The following CDV3 variants were observed in gnomAD, a reference collection of about 807,000 sequenced individuals.
The protein encoded by CDV3 is protein CDV3 homolog.
A neutral mutation model predicts 24.5 loss-of-function variants in CDV3; 14 were observed. The ratio of observed to expected loss-of-function variants is 0.57; its 90% CI spans 0.38 to 0.89. The LOEUF (loss-of-function observed/expected upper bound fraction) is 0.89. CDV3 is among the 40% of genes least tolerant of loss of function. The pLI, the probability that CDV3 is intolerant of heterozygous loss-of-function variation, is 0.00. For synonymous variants in CDV3, 114 were observed against 114.1 expected (o/e 1.00, Z 0.00); for missense variants, 304 against 310.2 (o/e 0.98, Z 0.15).
chr3:133,577,893 C>G (rs1440719222), intron 2 of CDV3, among the ~76,000 whole-genome samples: 1 of 152,190 alleles, frequency 6.6e-6, no homozygotes, highest in Non-Finnish European at 1.5e-5. Context: ...CTGTTATAGA[C>G]AGATTCTTGA....
At chr3:133,574,694 G>T in intron 1 of CDV3, 1 of 1,061,630 alleles carries the variant, frequency 9.4e-7, no homozygotes, top group Non-Finnish European at 1.1e-6. Flanking sequence ...CTTTTGTGAT[G>T]ACTTAGTCTC....
rs1388360952 is a variant in CDV3 at position 133,587,196 on chromosome 3, C to G, written c.626+474C>G. 6.7e-6 allele frequency: 9 copies of G among 1,350,448 alleles called. No individual in the cohort carries two copies. In the Admixed American group the frequency reaches 2.5e-4, roughly 37 times the overall value. 83.7% of individuals were successfully genotyped at this position (1,350,448 alleles called of 1,614,324 possible). On this transcript the variant is annotated intron_variant, in intron 4 of 4. Coordinates refer to ENST00000264993, the MANE Select transcript of CDV3 (RefSeq NM_017548.5). Reference sequence around the variant, plus strand: ...ATGAATGCTACCTGGAATTAAATGACTACATATGGCACATCTACATCTTAC... The same window carrying G: ...ATGAATGCTACCTGGAATTAAATGAGTACATATGGCACATCTACATCTTAC...
chr3:133,587,838 A>G lies in CDV3; in HGVS notation c.627-58A>G, dbSNP rs1187946274. ...CTTTTTTTTAAATTCAAGGACGAAT[A>G]TTTTCAAAAACCCTAGTGAAGAAGA... On this transcript the variant is annotated intron_variant, in intron 4 of 4. Transcript: ENST00000264993. The G allele has an allele frequency of 1.1e-5, 17 of 1,529,712 alleles. No homozygotes were observed. In the East Asian group the frequency reaches 2.3e-4, roughly 20 times the overall value. 94.8% of individuals were successfully genotyped at this position (1,529,712 alleles called of 1,614,324 possible). A position where few individuals can be genotyped will look rare whatever the true frequency, so the allele number is the denominator to read the frequency against.
At chr3:133,582,934 A>T (rs1473746518) in intron 2 of CDV3, among the ~76,000 whole-genome samples, 1 of 152,252 alleles carries the variant, frequency 6.6e-6, no homozygotes, top group Admixed American at 6.5e-5. Context: ...AGATAAATAC[A>T]CTTGGTAATT....
At chr3:133,586,119 G>A (rs1440774984) in intron 3 of CDV3, among the ~76,000 whole-genome samples, 1 of 151,682 alleles carries the variant, frequency 6.6e-6, no homozygotes, top group Non-Finnish European at 1.5e-5. Context: ...TTTGAGAGCC[G>A]GAGTCTCCTT....
chr3:133,577,755 A>G (rs112575965), intron 2 of CDV3, among the ~76,000 whole-genome samples: 1 of 152,214 alleles, frequency 6.6e-6, no homozygotes, highest in Non-Finnish European at 1.5e-5. Context: ...GAAATTTTTC[A>G]TTAGCAGCAA....
rs1376059095 is a variant in CDV3 at position 133,588,706 on chromosome 3, C to T, written c.*660C>T. On this transcript the variant is annotated 3_prime_UTR_variant, in exon 5 of 5. Transcript: ENST00000264993. ...GTAGGGCTGTGATTTGTAATTTAAA[C>T]TAATTGTATTCTGAGGTAACCACAA... is the stretch of plus-strand genomic sequence containing the variant. 6 of 260,024 alleles carry T rather than the reference C, an allele frequency of 2.3e-5. No individual in the cohort carries two copies. The highest frequency in any genetic ancestry group is 6.6e-5 in the African/African-American group (3 of 45,180). The allele number at this position is 260,024 out of a possible 1,614,324, so 16.1% of individuals were successfully genotyped here.
At position 133,588,814 on chromosome 3, in the gene CDV3, A is replaced by AT. The variant is rs1395174797; in HGVS notation, c.*775dup. 35 of 159,118 alleles carry AT rather than the reference A, an allele frequency of 2.2e-4. No individual in the cohort carries two copies. The highest frequency in any genetic ancestry group is 1.8e-3 in the Admixed American group (28 of 15,534). The allele number at this position is 159,118 out of a possible 1,614,324, so 9.9% of individuals were successfully genotyped here. ...TCTTGGGGGTTTTTTTTTTTTGGTA[A>AT]TTTTTTTATTTGGATAGTGCTTTTT... On this transcript the variant is annotated 3_prime_UTR_variant, in exon 5 of 5. Transcript: ENST00000264993.
intron 2 of CDV3, among the ~76,000 whole-genome samples, chr3:133,580,528 C>A (rs1385470539): frequency 1.3e-5 from 2 of 152,248 alleles, no homozygotes; most frequent in African/African-American, 4.8e-5. Flanking sequence ...CATGGTGAAA[C>A]CCCGTCTCTA....
At chr3:133,580,980 A>T (rs540607314) in intron 2 of CDV3, among the ~76,000 whole-genome samples, 1 of 152,040 alleles carries the variant, frequency 6.6e-6, no homozygotes, top group East Asian at 1.9e-4. Flanking sequence ...TTATTTTTTA[A>T]TTTTTTTCCT....
chr3:133,576,319 G>A (rs2107694701), intron 2 of CDV3, among the ~76,000 whole-genome samples: 1 of 151,810 alleles, frequency 6.6e-6, no homozygotes, highest in South Asian at 2.1e-4. Context: ...CCAACCACTT[G>A]TTGGCTTCCT....
chr3:133,587,221 C>G (rs1317452773), intron 4 of CDV3: 1 of 1,311,430 alleles, frequency 7.6e-7, no homozygotes, highest in Non-Finnish European at 9.9e-7. Flanking sequence ...CTACATCTTA[C>G]TTTAGGGACA....
intron 2 of CDV3, among the ~76,000 whole-genome samples, chr3:133,577,650 G>T (rs1256430592): frequency 1.3e-5 from 2 of 152,172 alleles, no homozygotes; most frequent in Non-Finnish European, 2.9e-5. Flanking sequence ...ATGAGCCTCT[G>T]AGCCCAGCCA....
rs1174872283 is a variant in CDV3 at position 133,574,020 on chromosome 3, C to G, written c.-25C>G. 9.1e-7 allele frequency: 1 copy of G among 1,094,422 alleles called. No individual in the cohort carries two copies. The highest frequency in any genetic ancestry group is 1.1e-6 in the Non-Finnish European group (1 of 887,732). The allele number at this position is 1,094,422 out of a possible 1,614,324, so 67.8% of individuals were successfully genotyped here. ...GGCCGCGCCCGCCGCCGGCCCCACC[C>G]ATCCGGGTCGAGGAGGCCGAGGCCA... is the stretch of plus-strand genomic sequence containing the variant. On this transcript the variant is annotated 5_prime_UTR_variant, in exon 1 of 5. Transcript: ENST00000264993.
chr3:133,575,268 C>G (rs1052722697), intron 2 of CDV3, among the ~76,000 whole-genome samples, 153 bp downstream of exon 2: 2 of 152,228 alleles, frequency 1.3e-5, no homozygotes, highest in African/African-American at 4.8e-5. Context: ...CTCTTTCTCA[C>G]TCCATGGAGG....
At chr3:133,575,241 C>T (rs966372353) in intron 2 of CDV3, 126 bp downstream of exon 2, 1 of 590,932 alleles carries the variant, frequency 1.7e-6, no homozygotes, top group South Asian at 2.1e-5. Context: ...TATTAGGACT[C>T]AAATGGGTTC....
At position 133,590,224 on chromosome 3, in the gene CDV3, GTAACAT is replaced by G. The variant is rs1933986295; in HGVS notation, c.*2184_*2189del. 1 of 152,172 alleles carries G rather than the reference GTAACAT, an allele frequency of 6.6e-6. No individual in the cohort carries two copies. Among genetic ancestry groups the G allele is most frequent in the Admixed American group, 6.5e-5 (1 of 15,282 alleles). 9.4% of individuals were successfully genotyped at this position (152,172 alleles called of 1,614,324 possible). ...CATGGTTTGGCAGTGCAAGAATTCTGTAACATTAACAAATTCAATAAAAAGTAAATA... is the reference window on the plus strand; with the variant it reads ...CATGGTTTGGCAGTGCAAGAATTCTGTAACAAATTCAATAAAAAGTAAATA... On this transcript the variant is annotated 3_prime_UTR_variant, in exon 5 of 5. Transcript: ENST00000264993.
At position 133,584,112 on chromosome 3, in the gene CDV3, A is replaced by G. The variant is rs763680748; in HGVS notation, c.428A>G (p.Lys143Arg). 6.2e-7 allele frequency: 1 copy of G among 1,613,236 alleles called. No homozygotes were observed. The highest frequency in any genetic ancestry group is 1.1e-5 in the South Asian group (1 of 90,998). Reference protein sequence around the residue: ...GMEKSSGPWNKTAPVQAPPAP... With the variant: ...GMEKSSGPWNRTAPVQAPPAP... Reference sequence around the variant, plus strand: ...GAAAAATCTTCAGGTCCCTGGAATAAAACAGCTCCAGTACAAGCACCTCCT... The same window carrying G: ...GAAAAATCTTCAGGTCCCTGGAATAGAACAGCTCCAGTACAAGCACCTCCT... The change falls in exon 3 of 5, where the codon AAA (lysine) becomes AGA (arginine). Residue 143 changes from lysine (K) to arginine (R), a missense_variant. Physicochemically the swap from Lys to Arg is conservative, Grantham distance 26. Coordinates refer to ENST00000264993, the MANE Select transcript of CDV3 (RefSeq NM_017548.5).
At chr3:133,576,378 T>C (rs2074807668) in intron 2 of CDV3, among the ~76,000 whole-genome samples, 1 of 151,814 alleles carries the variant, frequency 6.6e-6, no homozygotes, top group Admixed American at 6.6e-5. Context: ...CTGTAAATAA[T>C]GGGGAGGAGG....
Sources: allele counts gnomAD v4.1 joint callset (sites outside exome capture counted in the v4.1 genomes callset), GRCh38; gene constraint gnomAD v4.1.1; transcripts MANE v1.5; gene names NCBI Gene and HGNC (gene_info 2026-07-23, HGNC 2026-07-21).